Variants in LIPH observed in about 807,000 individuals in gnomAD.
The protein encoded by LIPH is lipase member H.
LIPH carries 32 observed loss-of-function variants against 47.6 expected under a neutral mutation model. The observed-to-expected ratio is 0.67, with a 90% CI of 0.51 to 0.90. The LOEUF is 0.90. Ranked by LOEUF, LIPH falls within the 40% of genes least tolerant of loss-of-function variation. The pLI is 0.00. For missense variants in LIPH, 497 were observed against 541.4 expected, an observed-to-expected ratio of 0.92 and a Z score of 0.81; for synonymous variants, 190 against 195.6, an observed-to-expected ratio of 0.97 and a Z score of 0.24.
chr3:185,547,488 A>C (rs947347159), intron 1 of LIPH, among the ~76,000 whole-genome samples: 1 of 152,152 alleles, frequency 6.6e-6, no homozygotes, highest in Non-Finnish European at 1.5e-5. Context: ...AGAGGTCCAC[A>C]GTCAGGTTTA....
At chr3:185,547,092 G>C (rs1720898911) in intron 1 of LIPH, 1 of 298,182 alleles carries the variant, frequency 3.4e-6, no homozygotes, top group African/African-American at 2.3e-5. Context: ...AGTGAGCCGA[G>C]ATCACACCAC....
intron 1 of LIPH, among the ~76,000 whole-genome samples, chr3:185,547,693 A>G (rs1720918967): frequency 6.6e-6 from 1 of 151,974 alleles, no homozygotes; most frequent in African/African-American, 2.4e-5. Context: ...GCATGGTGGC[A>G]GGCACCTGTA....
intron 8 of LIPH, among the ~76,000 whole-genome samples, chr3:185,513,769 G>A (rs150532240): frequency 1.3e-4 from 20 of 152,278 alleles, no homozygotes; most frequent in African/African-American, 2.9e-4. Flanking sequence ...AGCCAGGCGC[G>A]GTGGCTCACA....
At chr3:185,525,251 G>T (rs1720032766) in intron 4 of LIPH, among the ~76,000 whole-genome samples, 1 of 151,940 alleles carries the variant, frequency 6.6e-6, no homozygotes, top group Non-Finnish European at 1.5e-5. Context: ...AGTATATATA[G>T]ATTTAATAAC....
At chr3:185,526,966 G>C (rs555848784) in intron 4 of LIPH, among the ~76,000 whole-genome samples, 2 of 152,022 alleles carry the variant, frequency 1.3e-5, no homozygotes, top group Admixed American at 1.3e-4. Flanking sequence ...TATGCCGGGC[G>C]CGGTGGCTCA....
chr3:185,537,779 T>C (rs1720548129), intron 1 of LIPH, among the ~76,000 whole-genome samples: 1 of 152,138 alleles, frequency 6.6e-6, no homozygotes, highest in African/African-American at 2.4e-5. Context: ...AGAGATTACT[T>C]TCCCAAGAAG....
chr3:185,509,620 G>A (rs1027203362), intron 9 of LIPH, among the ~76,000 whole-genome samples: 1 of 152,118 alleles, frequency 6.6e-6, no homozygotes. Context: ...GTGACAGAGC[G>A]AGACTCCGTA....
Position 185,527,575 on chromosome 3 carries a change from A to G in LIPH, c.537T>C (p.Pro179=), listed in dbSNP as rs1184136762. Residue 179 remains proline (P), a synonymous_variant, in exon 4 of 10, where the codon CCT becomes CCC. Transcript: ENST00000296252. ...GTTTCCCGTTGAATAAAGGGCCTGC[A>G]GGGTCGAGGCCTGGAAGGAAAACAG... ...GWLGRITGLD[P]AGPLFNGKPH... 1 of 1,610,156 alleles carries G rather than the reference A, an allele frequency of 6.2e-7. No individual in the cohort carries two copies. Among genetic ancestry groups the G allele is most frequent in the Non-Finnish European group, 8.5e-7 (1 of 1,177,734 alleles).
chr3:185,539,426 G>A (rs969329491), intron 1 of LIPH, among the ~76,000 whole-genome samples: 3 of 148,204 alleles, frequency 2.0e-5, no homozygotes, highest in Non-Finnish European at 4.5e-5. Flanking sequence ...CTGGAGTGCA[G>A]TGGCGTGATC....
chr3:185,540,748 T>C (rs1043562442), intron 1 of LIPH, among the ~76,000 whole-genome samples: 10 of 151,602 alleles, frequency 6.6e-5, no homozygotes, highest in Admixed American at 2.6e-4. Context: ...AAAAGAAATA[T>C]TTAAAATCCT....
At chr3:185,541,685 G>A (rs937037673) in intron 1 of LIPH, among the ~76,000 whole-genome samples, 11 of 151,350 alleles carry the variant, frequency 7.3e-5, no homozygotes, top group Admixed American at 4.0e-4. Context: ...GATTATAGGC[G>A]TGAGCCACCC....
At chr3:185,525,324 A>T (rs1489816072) in intron 4 of LIPH, among the ~76,000 whole-genome samples, 1 of 152,186 alleles carries the variant, frequency 6.6e-6, no homozygotes, top group African/African-American at 2.4e-5. Flanking sequence ...AATTAATTTA[A>T]TGTAGGTGTA....
intron 7 of LIPH, among the ~76,000 whole-genome samples, chr3:185,515,300 GTT>G (rs35978978): frequency 3.6e-4 from 54 of 150,774 alleles, no homozygotes; most frequent in African/African-American, 1.1e-3. Flanking sequence ...TGTCTTATGG[GTT>G]TTTTTAAAAA....
At chr3:185,522,328 C>A (rs1172535605) in intron 5 of LIPH, among the ~76,000 whole-genome samples, 1 of 152,084 alleles carries the variant, frequency 6.6e-6, no homozygotes, top group Admixed American at 6.6e-5. Context: ...CTGTGTCTGC[C>A]GTAAGGGTCA....
chr3:185,516,133 C>CA (rs1292027214), intron 7 of LIPH, among the ~76,000 whole-genome samples: 2 of 150,860 alleles, frequency 1.3e-5, no homozygotes, highest in African/African-American at 4.9e-5. Context: ...GACCCTGTCT[C>CA]AAAAAAAAAT....
chr3:185,551,381 T>C (rs1721044615), intron 1 of LIPH, among the ~76,000 whole-genome samples: 1 of 152,212 alleles, frequency 6.6e-6, no homozygotes. Flanking sequence ...GATTTTAACA[T>C]AGTTGTAATT....
rs532476011 is a variant in LIPH, at chr3:185,540,749, T to C, written c.50-5617A>G. Reference sequence around the variant, plus strand: ...CCAAAAAAAAAAAAAAAAGAAATATTTAAAATCCTTTTTCATGGAATGTAG... The same window carrying C: ...CCAAAAAAAAAAAAAAAAGAAATATCTAAAATCCTTTTTCATGGAATGTAG... On this transcript the variant is annotated intron_variant, in intron 1 of 9. Transcript: ENST00000296252. Among the ~76,000 whole-genome samples the C allele has an allele frequency of 3.9e-5, 6 of 152,052 alleles. No homozygotes were observed. The South Asian group carries it at 6.2e-4, about 16-fold the overall frequency.
Position 185,534,980 on chromosome 3 carries a change from T to A in LIPH, c.202A>T (p.Thr68Ser), listed in dbSNP as rs2148959688. ...TGGACAATGAAGGTGGTTTTCTTGG[T>A]CACATTCAAGTTCCCAAAAGCTGAG... ...NSSAFGNLNV[T>S]KKTTFIVHGF... is the part of the protein sequence containing the mutation. Residue 68 changes from threonine (T) to serine (S), a missense_variant, in exon 2 of 10, where the codon ACC (threonine) becomes TCC (serine). Thr to Ser is a moderately conservative substitution (Grantham distance 58). Coordinates refer to ENST00000296252, the MANE Select transcript of LIPH (RefSeq NM_139248.3). 1.2e-6 allele frequency: 2 copies of A among 1,613,906 alleles called. No homozygotes were observed. The highest frequency in any genetic ancestry group is 8.5e-7 in the Non-Finnish European group (1 of 1,179,904).
At chr3:185,519,835 T>A (rs1358360282) in intron 5 of LIPH, among the ~76,000 whole-genome samples, 2 of 33,464 alleles carry the variant, frequency 6.0e-5, no homozygotes, top group Non-Finnish European at 4.6e-5. Context: ...ACACTCCATC[T>A]CAAAAAAAAA....
Sources: allele counts gnomAD v4.1 joint callset (sites outside exome capture counted in the v4.1 genomes callset), GRCh38; gene constraint gnomAD v4.1.1; transcripts MANE v1.5; gene names NCBI Gene and HGNC (gene_info 2026-07-23, HGNC 2026-07-21).